LIN28B: variants seen among roughly 807,000 people sequenced by gnomAD.
The protein encoded by LIN28B is lin-28 RNA binding posttranscriptional regulator B.
A neutral mutation model predicts 21.9 loss-of-function variants in LIN28B; 5 were observed. The observed-to-expected ratio is 0.23, with a 90% CI of 0.12 to 0.48. LIN28B has a LOEUF of 0.48. Ranked by LOEUF, LIN28B falls within the 20% of genes least tolerant of loss-of-function variation. The pLI is 0.98. For synonymous variants in LIN28B, 109 were observed against 111.3 expected (o/e 0.98, Z 0.13); for missense variants, 245 against 310.5 (o/e 0.79, Z 1.58).
intron 2 of LIN28B, among the ~76,000 whole-genome samples, chr6:104,967,344 C>T (rs1769882386): frequency 6.6e-6 from 1 of 151,312 alleles, no homozygotes; most frequent in Non-Finnish European, 1.5e-5. Context: ...CTTTGGGAGG[C>T]TGAGGGGGGT....
In LIN28B at chr6:105,072,954, G is replaced by A. The variant is rs115170222; in HGVS notation, c.384-5460G>A. Reference sequence around the variant, plus strand: ...TGTTTATTTAGATTGTGTAGAATCAGTCAGAACAAAATGGGGCCTTCTTTA... The same window carrying A: ...TGTTTATTTAGATTGTGTAGAATCAATCAGAACAAAATGGGGCCTTCTTTA... On this transcript the variant is annotated intron_variant, in intron 3 of 3. Coordinates refer to ENST00000345080, the MANE Select transcript of LIN28B (RefSeq NM_001004317.4). Among the ~76,000 whole-genome samples the A allele has an allele frequency of 8.3e-3, 1,262 of 152,268 alleles. 18 individuals carry two copies. Among genetic ancestry groups the A allele is most frequent in the African/African-American group, 0.029 (1,198 of 41,552 alleles).
At chr6:105,025,073 G>T (rs557377938) in intron 2 of LIN28B, among the ~76,000 whole-genome samples, 1 of 151,984 alleles carries the variant, frequency 6.6e-6, no homozygotes, top group Non-Finnish European at 1.5e-5. Flanking sequence ...CCTTTTTCTC[G>T]TGGTCTTGTT....
rs537446909 is a variant in LIN28B at position 105,037,474 on chromosome 6, C to T, written c.383+10992C>T. On this transcript the variant is annotated intron_variant, in intron 3 of 3. Transcript: ENST00000345080. ...TTCTCTCCTCCCCTCACTTCTCCTC[C>T]CCTCTCCTCCCCCTCCTCCCCCTCC... Among the ~76,000 whole-genome samples, 44 of 148,866 alleles carry T rather than the reference C, an allele frequency of 3.0e-4. 1 individual carries two copies. The South Asian group carries it at 9.3e-3, about 31-fold the overall frequency.
intron 2 of LIN28B, among the ~76,000 whole-genome samples, chr6:104,987,123 G>T (rs1324654672): frequency 6.6e-6 from 1 of 152,052 alleles, no homozygotes; most frequent in Non-Finnish European, 1.5e-5. Flanking sequence ...TTTATTTAAA[G>T]CTTCATTAAT....
chr6:104,957,194 G>C lies in LIN28B; in HGVS notation c.-57G>C. On this transcript the variant is annotated 5_prime_UTR_variant, in exon 1 of 4. Transcript: ENST00000345080. ...TTAGATTGATGCAGAAGATCACTCCGTTCCAAAGGGAAAGTTTTCATCTCA... is the reference window on the plus strand; with the variant it reads ...TTAGATTGATGCAGAAGATCACTCCCTTCCAAAGGGAAAGTTTTCATCTCA... 3 of 1,613,918 alleles carry C rather than the reference G, an allele frequency of 1.9e-6. No homozygotes were observed. Among genetic ancestry groups the C allele is most frequent in the Non-Finnish European group, 2.5e-6 (3 of 1,179,834 alleles).
intron 2 of LIN28B, among the ~76,000 whole-genome samples, chr6:105,008,586 G>T (rs1424149796): frequency 6.6e-6 from 1 of 151,306 alleles, no homozygotes; most frequent in Admixed American, 6.6e-5. Flanking sequence ...GGAGTTTGCA[G>T]TGAGCCGAGA....
At chr6:104,984,013 A>C (rs1470138188) in intron 2 of LIN28B, among the ~76,000 whole-genome samples, 1 of 152,236 alleles carries the variant, frequency 6.6e-6, no homozygotes, top group African/African-American at 2.4e-5. Flanking sequence ...ACCAATCCTC[A>C]TACCACACTA....
intron 2 of LIN28B, among the ~76,000 whole-genome samples, chr6:105,018,443 A>G (rs1290967609): frequency 1.3e-5 from 2 of 152,140 alleles, no homozygotes; most frequent in Non-Finnish European, 2.9e-5. Context: ...ATATGGTACC[A>G]TTAGCTCAGT....
chr6:104,972,249 G>A (rs1055030010), intron 2 of LIN28B, among the ~76,000 whole-genome samples: 3 of 152,170 alleles, frequency 2.0e-5, no homozygotes, highest in African/African-American at 7.2e-5. Context: ...TGGGATTACA[G>A]GTGTGAGCCA....
intron 3 of LIN28B, among the ~76,000 whole-genome samples, chr6:105,040,251 T>A (rs1398484411): frequency 6.6e-6 from 1 of 152,158 alleles, no homozygotes; most frequent in African/African-American, 2.4e-5. Flanking sequence ...TATTTGCTTA[T>A]TCAGTTTCAT....
intron 2 of LIN28B, among the ~76,000 whole-genome samples, chr6:105,023,934 G>C (rs1477267663): frequency 1.3e-5 from 2 of 151,382 alleles, no homozygotes; most frequent in Non-Finnish European, 2.9e-5. Context: ...TCCTACAAAA[G>C]TGCACTTAAG....
At chr6:105,028,583 T>C (rs544140508) in intron 3 of LIN28B, among the ~76,000 whole-genome samples, 1 of 152,272 alleles carries the variant, frequency 6.6e-6, no homozygotes, top group African/African-American at 2.4e-5. Flanking sequence ...GAGTCCAGGG[T>C]GACTCCAAGG....
At chr6:104,953,646 G>GT (rs1778248601), upstream of LIN28B, among the ~76,000 whole-genome samples, 1 of 152,190 alleles carries the variant, frequency 6.6e-6, no homozygotes, top group African/African-American at 2.4e-5. Flanking sequence ...GGAAAGAAAG[G>GT]TGAGAGGAAG....
chr6:104,976,638 T>G (rs1217067635), intron 2 of LIN28B, among the ~76,000 whole-genome samples: 3 of 152,170 alleles, frequency 2.0e-5, no homozygotes, highest in African/African-American at 7.2e-5. Flanking sequence ...CAGGGAAGGC[T>G]TTTACAAAGG....
intron 2 of LIN28B, among the ~76,000 whole-genome samples, chr6:104,987,444 G>T (rs12214393): frequency 1.2e-4 from 18 of 152,068 alleles, no homozygotes; most frequent in African/African-American, 4.1e-4. Flanking sequence ...CTTGGGCTCA[G>T]TGGGTCCTGC....
intron 2 of LIN28B, among the ~76,000 whole-genome samples, chr6:104,958,580 A>G (rs1769637707): frequency 6.6e-6 from 1 of 152,176 alleles, no homozygotes; most frequent in Non-Finnish European, 1.5e-5. Flanking sequence ...TGTTTCCGGT[A>G]TTACCTATAC....
intron 3 of LIN28B, among the ~76,000 whole-genome samples, chr6:105,072,206 T>C (rs899201458): frequency 6.6e-6 from 1 of 152,190 alleles, no homozygotes; most frequent in Non-Finnish European, 1.5e-5. Flanking sequence ...GTAATCAAAA[T>C]GGAAGTGAAA....
At chr6:104,989,343 C>G (rs1413061458) in intron 2 of LIN28B, among the ~76,000 whole-genome samples, 1 of 152,076 alleles carries the variant, frequency 6.6e-6, no homozygotes, top group Non-Finnish European at 1.5e-5. Flanking sequence ...TTCAGCTTCC[C>G]AAGAAGCTGG....
rs150684543 is a variant in LIN28B at position 105,043,443 on chromosome 6, A to T, written c.383+16961A>T. Among the ~76,000 whole-genome samples, 835 of 150,568 alleles carry T rather than the reference A, an allele frequency of 5.5e-3. 9 individuals carry two copies. Among genetic ancestry groups the T allele is most frequent in the African/African-American group, 0.019 (798 of 41,174 alleles). ...TAAAACTAAGCTCAGTATGAAGCCTACCCTGGGATATGTTTGTTTGTGTAT... is the reference window on the plus strand; with the variant it reads ...TAAAACTAAGCTCAGTATGAAGCCTTCCCTGGGATATGTTTGTTTGTGTAT... On this transcript the variant is annotated intron_variant, in intron 3 of 3. Coordinates refer to ENST00000345080, the MANE Select transcript of LIN28B (RefSeq NM_001004317.4).
Sources: allele counts gnomAD v4.1 joint callset (sites outside exome capture counted in the v4.1 genomes callset), GRCh38; gene constraint gnomAD v4.1.1; transcripts MANE v1.5; gene names NCBI Gene and HGNC (gene_info 2026-07-23, HGNC 2026-07-21).